Variants in NARS2 observed in about 807,000 individuals in gnomAD.
NARS2 encodes asparaginyl-tRNA synthetase.
A neutral mutation model predicts 62.9 loss-of-function variants in NARS2; 60 were observed. The observed-to-expected ratio is 0.95, with a 90% CI of 0.77 to 1.18. NARS2 has a LOEUF of 1.18. Among genes scored for constraint, NARS2 ranks in the 50% most tolerant of loss-of-function variants. The probability of loss-of-function intolerance (pLI) is 0.00; values close to 1 mark genes in which losing one functional copy is unlikely to be tolerated. For synonymous variants in NARS2, 196 were observed against 200.0 expected (o/e 0.98, Z 0.17); for missense variants, 619 against 576.4 (o/e 1.07, Z -0.76).
intron 9 of NARS2, among the ~76,000 whole-genome samples, chr11:78,471,331 TAG>T (rs1858863546): frequency 6.6e-6 from 1 of 152,190 alleles, no homozygotes; most frequent in African/African-American, 2.4e-5. Flanking sequence ...CTGAAACACT[TAG>T]AGTTTCATAT....
chr11:78,497,466 C>G (rs1419382574), intron 6 of NARS2, among the ~76,000 whole-genome samples: 1 of 152,118 alleles, frequency 6.6e-6, no homozygotes, highest in Admixed American at 6.5e-5. Context: ...TAAGACTGAT[C>G]AGCAACTTTC....
intron 6 of NARS2, among the ~76,000 whole-genome samples, chr11:78,495,752 G>A (rs1020757386): frequency 6.6e-6 from 1 of 152,158 alleles, no homozygotes; most frequent in African/African-American, 2.4e-5. Flanking sequence ...ATCCAGGTCT[G>A]GCCCAAACAA....
At chr11:78,541,424 C>T (rs539071466) in intron 5 of NARS2, among the ~76,000 whole-genome samples, 2 of 151,966 alleles carry the variant, frequency 1.3e-5, no homozygotes, top group East Asian at 1.9e-4. Flanking sequence ...CTCTGCCTTC[C>T]GATGGGACTA....
intron 5 of NARS2, among the ~76,000 whole-genome samples, chr11:78,548,046 T>C (rs939939399): frequency 2.6e-5 from 4 of 152,060 alleles, no homozygotes; most frequent in African/African-American, 9.7e-5. Flanking sequence ...ATAATGACCT[T>C]GTCTCTACTA....
intron 13 of NARS2, 76 bp downstream of exon 13, chr11:78,441,015 G>A (rs1857561536): frequency 6.1e-6 from 8 of 1,320,504 alleles, no homozygotes; most frequent in African/African-American, 1.5e-5. Flanking sequence ...GGGTCTTGGG[G>A]ATACAAGTAA....
At chr11:78,450,004 T>C (rs1160432462) in intron 11 of NARS2, among the ~76,000 whole-genome samples, 1 of 152,228 alleles carries the variant, frequency 6.6e-6, no homozygotes, top group Non-Finnish European at 1.5e-5. Context: ...TGTATGACTA[T>C]GTACTAAAAG....
At position 78,436,414 on chromosome 11, in the gene NARS2, T is replaced by A. The variant is rs1857411659; in HGVS notation, c.*256A>T. ...CTTTGAGACTAATTCAATTTCTTCA[T>A]TTCTTAATTGAGGTAATGGATTTGA... On this transcript the variant is annotated 3_prime_UTR_variant, in exon 14 of 14. Transcript: ENST00000281038. The A allele has an allele frequency of 2.6e-6, 1 of 378,840 alleles. No homozygotes were observed. Among genetic ancestry groups the A allele is most frequent in the South Asian group, 4.8e-5 (1 of 21,024 alleles). 23.5% of individuals were successfully genotyped at this position (378,840 alleles called of 1,614,324 possible).
intron 4 of NARS2, 133 bp downstream of exon 4, chr11:78,565,999 C>T (rs1856729592): frequency 3.0e-6 from 2 of 663,860 alleles, no homozygotes; most frequent in Non-Finnish European, 4.9e-6. Context: ...AAACCATAAC[C>T]CATAATGAAG....
In NARS2 at chr11:78,541,018, G is replaced by A. The variant is rs1188603635; in HGVS notation, c.595-12082C>T. ...TACTAAAAATACAAAAATTAGCCAG[G>A]CGTGGTGGCGCACGCCTGTATTCCC... On this transcript the variant is annotated intron_variant, in intron 5 of 13. Coordinates refer to ENST00000281038, the MANE Select transcript of NARS2 (RefSeq NM_024678.6). Among the ~76,000 whole-genome samples, 5 of 152,020 alleles carry A rather than the reference G, an allele frequency of 3.3e-5. No homozygotes were observed. The East Asian group carries it at 9.7e-4, about 29-fold the overall frequency.
chr11:78,539,581 G>A (rs752083970), intron 5 of NARS2, among the ~76,000 whole-genome samples: 1 of 152,188 alleles, frequency 6.6e-6, no homozygotes, highest in Non-Finnish European at 1.5e-5. Context: ...ACAGAACCTG[G>A]AGATAAACAG....
intron 6 of NARS2, among the ~76,000 whole-genome samples, chr11:78,498,670 TC>T (rs1860157392): frequency 1.6e-5 from 1 of 64,426 alleles, no homozygotes; most frequent in South Asian, 4.5e-4. Context: ...CCCAATACGC[TC>T]TTTTTTTTTT....
chr11:78,436,860 C>A (rs763138644), intron 13 of NARS2, 46 bp from the exon 14 acceptor site: 10 of 1,547,736 alleles, frequency 6.5e-6, no homozygotes, highest in Non-Finnish European at 8.0e-6. Context: ...TAGTATAAGA[C>A]CAGATGTTAT....
At chr11:78,494,558 T>C (rs976765029) in intron 6 of NARS2, among the ~76,000 whole-genome samples, 8 of 150,612 alleles carry the variant, frequency 5.3e-5, no homozygotes, top group African/African-American at 1.7e-4. Flanking sequence ...TCTCTCTCAA[T>C]TGCCATTTCA....
At chr11:78,480,717 C>A in intron 7 of NARS2, among the ~76,000 whole-genome samples, 1 of 149,572 alleles carries the variant, frequency 6.7e-6, no homozygotes, top group Admixed American at 6.6e-5. Context: ...AAAAAAGAAT[C>A]AAAAGACTAG....
chr11:78,528,735 A>G, intron 6 of NARS2, 107 bp downstream of exon 6: 3 of 729,534 alleles, frequency 4.1e-6, no homozygotes, highest in Non-Finnish European at 7.0e-6. Context: ...ATTCAAGTGA[A>G]CTAATGATAA....
intron 11 of NARS2, among the ~76,000 whole-genome samples, chr11:78,444,775 A>C (rs928783347): frequency 1.3e-5 from 2 of 151,924 alleles, no homozygotes; most frequent in Non-Finnish European, 2.9e-5. Flanking sequence ...TGCAAGACTA[A>C]GTCTGAAAGA....
intron 11 of NARS2, among the ~76,000 whole-genome samples, chr11:78,463,219 A>C (rs1035916724): frequency 2.6e-4 from 39 of 152,182 alleles, no homozygotes; most frequent in African/African-American, 9.2e-4. Flanking sequence ...GCACACCACT[A>C]CACCTGGCTA....
chr11:78,484,040 A>G (rs915610295), intron 7 of NARS2, among the ~76,000 whole-genome samples: 5 of 152,330 alleles, frequency 3.3e-5, no homozygotes, highest in South Asian at 2.1e-4. Context: ...ACCAAAACAG[A>G]TATGTGGACC....
chr11:78,436,962 C>T, intron 13 of NARS2, 148 bp from the exon 14 acceptor site: 2 of 749,376 alleles, frequency 2.7e-6, no homozygotes, highest in East Asian at 2.7e-5. Context: ...CACAGACAGA[C>T]AATGGAAAGG....
Sources: allele counts gnomAD v4.1 joint callset (sites outside exome capture counted in the v4.1 genomes callset), GRCh38; gene constraint gnomAD v4.1.1; transcripts MANE v1.5; gene names NCBI Gene and HGNC (gene_info 2026-07-23, HGNC 2026-07-21).